Variants in C2orf69 observed in about 807,000 individuals in gnomAD.
The protein encoded by C2orf69 is chromosome 2 open reading frame 69, also known as mitochondrial protein C2orf69.
A neutral mutation model predicts 29.5 loss-of-function variants in C2orf69; 19 were observed. That is an observed-to-expected ratio of 0.65 (90% CI 0.45 to 0.95). The LOEUF is 0.95. Among genes scored for constraint, C2orf69 ranks in the 40% least tolerant of loss-of-function variants. C2orf69 has a pLI of 0.00. For missense variants in C2orf69, 416 were observed against 482.1 expected, an observed-to-expected ratio of 0.86 and a Z score of 1.28; for synonymous variants, 194 against 180.0, an observed-to-expected ratio of 1.08 and a Z score of -0.62.
At position 199,911,392 on chromosome 2, in the gene C2orf69, C is replaced by CCCCTCCGCCA. The variant is rs1270729319; in HGVS notation, c.-40_-31dup. The CCCCTCCGCCA allele has an allele frequency of 3.4e-5, 49 of 1,424,808 alleles. No homozygotes were observed. The highest frequency in any genetic ancestry group is 1.2e-4 in the Admixed American group (4 of 32,744). The allele number at this position is 1,424,808 out of a possible 1,614,324, so 88.3% of individuals were successfully genotyped here. A position where few individuals can be genotyped will look rare whatever the true frequency, so the allele number is the denominator to read the frequency against. ...CCTGCTGAAGTCCCTCCCTCAGGAA[C>CCCCTCCGCCA]CCCTCCGCCACCCTCCACCTCCGAA... On this transcript the variant is annotated 5_prime_UTR_variant, in exon 1 of 2. Coordinates refer to ENST00000319974, the MANE Select transcript of C2orf69 (RefSeq NM_153689.6).
chr2:199,923,425 C>T (rs988417173), intron 1 of C2orf69, among the ~76,000 whole-genome samples: 5 of 152,046 alleles, frequency 3.3e-5, no homozygotes, highest in Admixed American at 1.3e-4. Flanking sequence ...TATTTAATTT[C>T]GGTTAATTTA....
rs1491577588 is a variant in C2orf69 at position 199,927,309 on chromosome 2, A to AAT, written c.*1424_*1425insTA. ...GGAAGTAACATGCTGCTTTAGGACT[A>AAT]AAAAAAAAAAAAAAAAAAAGACACT... On this transcript the variant is annotated 3_prime_UTR_variant, in exon 2 of 2. Transcript: ENST00000319974. 3 of 19,882 alleles carry AAT rather than the reference A, an allele frequency of 1.5e-4. No homozygotes were observed. The highest frequency in any genetic ancestry group is 2.8e-4 in the Non-Finnish European group (3 of 10,622). 1.2% of individuals were successfully genotyped at this position (19,882 alleles called of 1,614,324 possible). A position where few individuals can be genotyped will look rare whatever the true frequency, so the allele number is the denominator to read the frequency against.
intron 1 of C2orf69, among the ~76,000 whole-genome samples, chr2:199,913,934 T>C (rs568419589): frequency 6.6e-6 from 1 of 152,166 alleles, no homozygotes; most frequent in Non-Finnish European, 1.5e-5. Context: ...TGAGGCCAGA[T>C]TGCCTGGGTT....
At chr2:199,916,585 G>T (rs945681279) in intron 1 of C2orf69, among the ~76,000 whole-genome samples, 2 of 151,952 alleles carry the variant, frequency 1.3e-5, no homozygotes, top group Admixed American at 1.3e-4. Flanking sequence ...ATACAATGGG[G>T]ATACAGGCAT....
intron 1 of C2orf69, among the ~76,000 whole-genome samples, chr2:199,913,260 T>TATATATAATATATATATTATATAAA (rs1296511539): frequency 2.4e-5 from 2 of 82,032 alleles, no homozygotes; most frequent in South Asian, 5.9e-4. Flanking sequence ...TTATATAAAA[T>TATATATAATATATATATTATATAAA]ATATTCTATA....
Position 199,927,720 on chromosome 2 carries a change from T to G in C2orf69, c.*1834T>G, listed in dbSNP as rs1485855158. ...ATTGCCTTTAAGCACTATGATTGGA[T>G]GGCTTTTTTTCTATTTGTTTAATAA... On this transcript the variant is annotated 3_prime_UTR_variant, in exon 2 of 2. Transcript: ENST00000319974. The G allele has an allele frequency of 6.6e-6, 1 of 152,142 alleles. No individual in the cohort carries two copies. Among genetic ancestry groups the G allele is most frequent in the African/African-American group, 2.4e-5 (1 of 41,456 alleles). 9.4% of individuals were successfully genotyped at this position (152,142 alleles called of 1,614,324 possible). A position where few individuals can be genotyped will look rare whatever the true frequency, so the allele number is the denominator to read the frequency against.
At chr2:199,922,172 A>G (rs2077319471) in intron 1 of C2orf69, among the ~76,000 whole-genome samples, 1 of 151,014 alleles carries the variant, frequency 6.6e-6, no homozygotes, top group Non-Finnish European at 1.5e-5. Context: ...CTCAGCTCAC[A>G]GCAACCTCCA....
rs762310324 is a variant in C2orf69 at position 199,911,790 on chromosome 2, G to A, written c.333+19G>A. 36 of 1,537,102 alleles carry A rather than the reference G, an allele frequency of 2.3e-5. No homozygotes were observed. The East Asian group carries it at 8.6e-4, about 37-fold the overall frequency. ...TGTGCAGGTAACTCGGGGCCTGCCT[G>A]GGTATCTGTTCCTTCCTCTCGTGTA... On this transcript the variant is annotated intron_variant, in intron 1 of 1. Transcript: ENST00000319974.
At chr2:199,914,696 C>T (rs796206559) in intron 1 of C2orf69, among the ~76,000 whole-genome samples, 2 of 152,096 alleles carry the variant, frequency 1.3e-5, no homozygotes, top group Admixed American at 6.6e-5. Context: ...CTTCTCCAGC[C>T]TCTCTGGCTT....
In C2orf69 at chr2:199,928,271, G is replaced by C. The variant is rs548296882; in HGVS notation, c.*2385G>C. ...ATTGTATTAAAATTGATCATCCACA[G>C]AAGTTTGTTTGGATGTGCTTTATAT... is the stretch of plus-strand genomic sequence containing the variant. On this transcript the variant is annotated 3_prime_UTR_variant, in exon 2 of 2. Transcript: ENST00000319974. The C allele has an allele frequency of 6.5e-6, 1 of 152,676 alleles. No homozygotes were observed. The highest frequency in any genetic ancestry group is 2.4e-5 in the African/African-American group (1 of 41,554). 9.5% of individuals were successfully genotyped at this position (152,676 alleles called of 1,614,324 possible).
chr2:199,913,367 AT>A (rs1559292357), intron 1 of C2orf69, among the ~76,000 whole-genome samples: 13 of 77,792 alleles, frequency 1.7e-4, no homozygotes, highest in East Asian at 8.4e-4. Context: ...AATATATTCT[AT>A]TATGATATAT....
At chr2:199,918,867 A>G (rs551193448) in intron 1 of C2orf69, among the ~76,000 whole-genome samples, 219 of 152,214 alleles carry the variant, frequency 1.4e-3, no homozygotes, top group Non-Finnish European at 2.7e-3. Flanking sequence ...TTTGTCATAT[A>G]GTATGTAGTC....
chr2:199,919,436 C>A (rs191865433), intron 1 of C2orf69, among the ~76,000 whole-genome samples: 1 of 152,298 alleles, frequency 6.6e-6, no homozygotes, highest in African/African-American at 2.4e-5. Context: ...TGGTCATGTA[C>A]CTTGGAGCTT....
intron 1 of C2orf69, 86 bp from the exon 2 acceptor site, chr2:199,924,976 C>T: frequency 1.2e-6 from 1 of 818,044 alleles, no homozygotes; most frequent in South Asian, 1.8e-5. Flanking sequence ...CATCCCTTCT[C>T]CACAATAAAA....
rs1367909781 is a variant in C2orf69 at position 199,926,188 on chromosome 2, G to A, written c.*302G>A. On this transcript the variant is annotated 3_prime_UTR_variant, in exon 2 of 2. Coordinates refer to ENST00000319974, the MANE Select transcript of C2orf69 (RefSeq NM_153689.6). ...AGTTACAACATTGTTCTTATAAAAGGTAACTAAAATTGTTACTGTTGGAAA... is the reference window on the plus strand; with the variant it reads ...AGTTACAACATTGTTCTTATAAAAGATAACTAAAATTGTTACTGTTGGAAA... 1 of 239,808 alleles carries A rather than the reference G, an allele frequency of 4.2e-6. No individual in the cohort carries two copies. Among genetic ancestry groups the A allele is most frequent in the East Asian group, 8.0e-5 (1 of 12,448 alleles). The allele number at this position is 239,808 out of a possible 1,614,324, so 14.9% of individuals were successfully genotyped here. A position where few individuals can be genotyped will look rare whatever the true frequency, so the allele number is the denominator to read the frequency against.
intron 1 of C2orf69, among the ~76,000 whole-genome samples, chr2:199,913,761 C>G (rs2077283501): frequency 6.6e-6 from 1 of 151,548 alleles, no homozygotes; most frequent in Non-Finnish European, 1.5e-5. Context: ...CCGACTATGA[C>G]TGCCAGAATA....
chr2:199,925,709 T>C lies in C2orf69; in HGVS notation c.981T>C (p.Val327=). ...AATTTGCACAAACAGGAATTATCGT[T>C]CACACTCATGTAACACCTTACCAAG... ...LKEFAQTGII[V]HTHVTPYQVR... Residue 327 remains valine (V), a synonymous_variant, in exon 2 of 2, where the codon GTT becomes GTC. Coordinates refer to ENST00000319974, the MANE Select transcript of C2orf69 (RefSeq NM_153689.6). The surrounding 1 kb of genome is among the most constrained non-coding windows in gnomAD (Gnocchi z 4.9). 1.9e-6 allele frequency: 3 copies of C among 1,613,950 alleles called. No homozygotes were observed. The highest frequency in any genetic ancestry group is 2.5e-6 in the Non-Finnish European group (3 of 1,179,852).
At position 199,925,796 on chromosome 2, in the gene C2orf69, G is replaced by A; in HGVS notation, c.1068G>A (p.Gly356=). 2 of 1,613,842 alleles carry A rather than the reference G, an allele frequency of 1.2e-6. No homozygotes were observed. Among genetic ancestry groups the A allele is most frequent in the Non-Finnish European group, 1.7e-6 (2 of 1,179,824 alleles). Residue 356 remains glycine (G), a synonymous_variant, in exon 2 of 2, where the codon GGG becomes GGA. Coordinates refer to ENST00000319974, the MANE Select transcript of C2orf69 (RefSeq NM_153689.6). This position sits in a 1 kb window ranked among gnomAD's most constrained non-coding sequence, Gnocchi z 4.9. ...ACAAGAAATTTGTTCAGATACTTGG[G>A]GATCTTGGTATGCAGGTGACTAGCC... is the stretch of plus-strand genomic sequence containing the variant. The part of the protein sequence containing the change: ...KEHKKFVQIL[G]DLGMQVTSQI...
chr2:199,924,497 A>G (rs2077328560), intron 1 of C2orf69, among the ~76,000 whole-genome samples: 1 of 152,204 alleles, frequency 6.6e-6, no homozygotes, highest in South Asian at 2.1e-4. Context: ...CAGTTTTTCC[A>G]TATCTAGGAA....
Sources: gnomAD v4.1 joint callset for allele counts (sites outside exome capture counted in the v4.1 genomes callset) on GRCh38, gnomAD v4.1.1 for gene constraint, Gnocchi (gnomAD v3.1) non-coding constraint, MANE v1.5 for transcripts, NCBI Gene and HGNC (gene_info 2026-07-23, HGNC 2026-07-21) for gene names.